TGFBR3: variants seen among roughly 807,000 people sequenced by gnomAD.
TGFBR3 encodes the protein transforming growth factor beta receptor type 3.
TGFBR3 carries 46 observed loss-of-function variants against 87.9 expected under a neutral mutation model. The ratio of observed to expected loss-of-function variants is 0.52; its 90% CI spans 0.41 to 0.67. TGFBR3 has a LOEUF of 0.67. Among genes scored for constraint, TGFBR3 ranks in the 30% least tolerant of loss-of-function variants. The probability of loss-of-function intolerance (pLI) is 0.00; values close to 1 mark genes in which losing one functional copy is unlikely to be tolerated. For missense variants in TGFBR3, 866 were observed against 1,041.9 expected, an observed-to-expected ratio of 0.83 and a Z score of 2.32; for synonymous variants, 381 against 391.6, an observed-to-expected ratio of 0.97 and a Z score of 0.32.
chr1:91,822,459 G>C (rs1676485442), intron 2 of TGFBR3, among the ~76,000 whole-genome samples: 1 of 151,770 alleles, frequency 6.6e-6, no homozygotes, highest in African/African-American at 2.4e-5. Context: ...CTATTTTGGG[G>C]GCTCAGTTGA....
rs116890606 is a variant in TGFBR3, at chr1:91,898,414, T to C, written c.-114+1223A>G. The stretch of plus-strand genomic sequence containing the variant: ...CAGTACATAATCTGTAACTTGCTTT[T>C]CATTCAACAGTATGTTTTTTTTGGT... On this transcript the variant is annotated intron_variant, in intron 2 of 17. Coordinates refer to the TGFBR3 transcript ENST00000370399. Among the ~76,000 whole-genome samples, 294 of 152,272 alleles carry C rather than the reference T, an allele frequency of 1.9e-3. 13 individuals are homozygous for C. In the East Asian group the frequency reaches 0.047, roughly 24 times the overall value.
intron 1 of TGFBR3, among the ~76,000 whole-genome samples, chr1:91,867,884 C>A (rs920883585): frequency 6.4e-4 from 98 of 152,256 alleles, no homozygotes; most frequent in Middle Eastern, 3.4e-3. Flanking sequence ...AGGCATGGTA[C>A]CTAAAACAAT....
At chr1:91,904,541 C>T (rs938409361) in intron 1 of TGFBR3, among the ~76,000 whole-genome samples, 10 of 150,256 alleles carry the variant, frequency 6.7e-5, no homozygotes, top group South Asian at 4.2e-4. Context: ...GGATTACAGA[C>T]GCGTGCCACC....
At chr1:91,875,796 GT>G (rs1205764135) in intron 1 of TGFBR3, among the ~76,000 whole-genome samples, 141 of 42,244 alleles carry the variant, frequency 3.3e-3, no homozygotes, top group Middle Eastern at 9.4e-3. Context: ...GGGGGGGGGG[GT>G]GGGAGTGTGC....
chr1:91,729,285 T>TACACACACAC (rs72204982), intron 6 of TGFBR3, among the ~76,000 whole-genome samples: 8,668 of 143,168 alleles, frequency 0.061, 328 homozygotes, highest in Middle Eastern at 0.076. Flanking sequence ...TGCATGCGCA[T>TACACACACAC]ACACACACAC....
chr1:91,745,580 A>G (rs1673316026), intron 4 of TGFBR3, among the ~76,000 whole-genome samples: 1 of 152,186 alleles, frequency 6.6e-6, no homozygotes, highest in Non-Finnish European at 1.5e-5. Context: ...GCAAAAACAA[A>G]CATACTGGAA....
chr1:91,868,121 T>C (rs150636843), intron 1 of TGFBR3, among the ~76,000 whole-genome samples: 275 of 152,348 alleles, frequency 1.8e-3, no homozygotes, highest in African/African-American at 6.1e-3. Context: ...TTTCGCCATG[T>C]TGGCCCAGCT....
At chr1:91,741,012 G>A (rs1673141901) in intron 4 of TGFBR3, among the ~76,000 whole-genome samples, 4 of 152,168 alleles carry the variant, frequency 2.6e-5, no homozygotes, top group Admixed American at 2.6e-4. Flanking sequence ...GTTTACTTCT[G>A]ACATCGCATG....
chr1:91,789,221 C>T (rs376688675), intron 3 of TGFBR3, among the ~76,000 whole-genome samples: 1 of 152,184 alleles, frequency 6.6e-6, no homozygotes, highest in Non-Finnish European at 1.5e-5. Flanking sequence ...GCAGGAGAAT[C>T]TCTTGAACCC....
chr1:91,761,763 A>G (rs1035068421), intron 3 of TGFBR3, among the ~76,000 whole-genome samples: 63 of 145,940 alleles, frequency 4.3e-4, no homozygotes, highest in Non-Finnish European at 5.8e-4. Context: ...GGCTTGGGGG[A>G]AAAAAAAAAA....
At chr1:91,757,493 C>T (rs1197301272) in intron 4 of TGFBR3, among the ~76,000 whole-genome samples, 1 of 152,160 alleles carries the variant, frequency 6.6e-6, no homozygotes, top group Admixed American at 6.5e-5. Flanking sequence ...ACTTCCTGAA[C>T]TCCCTCCATC....
In TGFBR3 at chr1:91,681,456, A is replaced by T. The variant is rs1363888400; in HGVS notation, c.*2283T>A. On this transcript the variant is annotated 3_prime_UTR_variant, in exon 17 of 17. Transcript: ENST00000212355. ...ATCTATAAATTTGTAAATTAATTTT[A>T]AATTATTTATAAAATCATTGGCAAT... is the stretch of plus-strand genomic sequence containing the variant. 2.8e-6 allele frequency: 1 copy of T among 353,194 alleles called. No individual in the cohort carries two copies. Among genetic ancestry groups the T allele is most frequent in the Non-Finnish European group, 5.4e-6 (1 of 186,532 alleles). 21.9% of individuals were successfully genotyped at this position (353,194 alleles called of 1,614,324 possible). A position where few individuals can be genotyped will look rare whatever the true frequency, so the allele number is the denominator to read the frequency against.
At chr1:91,815,108 C>T (rs1676169150) in intron 2 of TGFBR3, among the ~76,000 whole-genome samples, 1 of 152,106 alleles carries the variant, frequency 6.6e-6, no homozygotes. Flanking sequence ...TCAAGACTAG[C>T]CTGGCCAACA....
chr1:91,763,042 G>T (rs1311447580), intron 3 of TGFBR3, among the ~76,000 whole-genome samples: 1 of 152,112 alleles, frequency 6.6e-6, no homozygotes, highest in East Asian at 1.9e-4. Flanking sequence ...GTTCTCCAAA[G>T]GTTATCTTTG....
intron 4 of TGFBR3, among the ~76,000 whole-genome samples, chr1:91,742,781 C>A (rs1023906248): frequency 4.6e-5 from 7 of 152,150 alleles, no homozygotes; most frequent in Non-Finnish European, 1.5e-5. Context: ...GCACCCTGGA[C>A]TCTCCTGAAT....
intron 2 of TGFBR3, among the ~76,000 whole-genome samples, chr1:91,846,849 G>A (rs527455676): frequency 6.6e-6 from 1 of 152,024 alleles, no homozygotes; most frequent in African/African-American, 2.4e-5. Context: ...ACTATCTAAT[G>A]TCACACAGAA....
intron 5 of TGFBR3, among the ~76,000 whole-genome samples, chr1:91,730,668 G>C (rs1162192068): frequency 6.6e-6 from 1 of 152,142 alleles, no homozygotes; most frequent in Non-Finnish European, 1.5e-5. Flanking sequence ...CAACTATCAG[G>C]AGAAGCAACC....
chr1:91,875,784 CGGGGG>C (rs1192137391), intron 1 of TGFBR3, among the ~76,000 whole-genome samples: 1 of 4,752 alleles, frequency 2.1e-4, no homozygotes, highest in African/African-American at 4.0e-4. Context: ...GCTACTCGGG[CGGGGG>C]GGGGGGGTGG....
In TGFBR3 at chr1:91,894,196, G is replaced by A. The variant is rs150056708; in HGVS notation, c.-114+5441C>T. On this transcript the variant is annotated intron_variant, in intron 2 of 17. Transcript: ENST00000370399. Reference sequence around the variant, plus strand: ...CGTCTTCTCTGCTCTGCTTTCTCTCGTTACCCTGGATGAACTGGCCTTGCT... The same window carrying A: ...CGTCTTCTCTGCTCTGCTTTCTCTCATTACCCTGGATGAACTGGCCTTGCT... Among the ~76,000 whole-genome samples, 41 of 152,062 alleles carry A rather than the reference G, an allele frequency of 2.7e-4. No homozygotes were observed. The East Asian group carries it at 6.0e-3, about 22-fold the overall frequency.
Sources: gnomAD v4.1 joint callset for allele counts (sites outside exome capture counted in the v4.1 genomes callset) on GRCh38, gnomAD v4.1.1 for gene constraint, MANE v1.5 for transcripts, NCBI Gene and HGNC (gene_info 2026-07-23, HGNC 2026-07-21) for gene names.